The following FAM204A variants were observed in gnomAD, a reference collection of about 807,000 sequenced individuals.
FAM204A encodes protein FAM204A.
FAM204A carries 16 observed loss-of-function variants against 35.4 expected under a neutral mutation model. That is an observed-to-expected ratio of 0.45 (90% CI 0.31 to 0.69). The LOEUF (loss-of-function observed/expected upper bound fraction) is 0.69, where lower values mean the gene tolerates loss of function less well. Ranked by LOEUF, FAM204A falls within the 30% of genes least tolerant of loss-of-function variation. The probability of loss-of-function intolerance (pLI) is 0.07; values close to 1 mark genes in which losing one functional copy is unlikely to be tolerated. For synonymous variants in FAM204A, 76 were observed against 86.9 expected (o/e 0.88, Z 0.70); for missense variants, 240 against 265.7 (o/e 0.90, Z 0.67).
At chr10:118,311,508 C>T (rs533366994) in intron 7 of FAM204A, 195 bp from the exon 8 acceptor site, 1 of 511,498 alleles carries the variant, frequency 2.0e-6, no homozygotes, top group South Asian at 3.0e-5. Flanking sequence ...CCAATAGACC[C>T]TTTACCCTAG....
chr10:118,338,417 T>C (rs763493925), intron 2 of FAM204A, among the ~76,000 whole-genome samples: 10 of 152,240 alleles, frequency 6.6e-5, no homozygotes, highest in African/African-American at 9.6e-5. Context: ...CACCGCCATA[T>C]AATATACCTT....
intron 6 of FAM204A, 63 bp downstream of exon 6, chr10:118,335,051 A>T: frequency 8.4e-7 from 1 of 1,185,174 alleles, no homozygotes; most frequent in Non-Finnish European, 1.2e-6. Flanking sequence ...CAAGTACTTT[A>T]GGCGAGGCTA....
rs1845804215 is a variant in FAM204A, at chr10:118,301,135, G to A, written c.*9722C>T. Reference sequence around the variant, plus strand: ...TATTTAACCTCCTTGGCTCAACTGGGAACTCTTTGAAGGCTAGGGCCATCA... The same window carrying A: ...TATTTAACCTCCTTGGCTCAACTGGAAACTCTTTGAAGGCTAGGGCCATCA... On this transcript the variant is annotated 3_prime_UTR_variant, in exon 9 of 9. Transcript: ENST00000369183. 2 of 152,146 alleles carry A rather than the reference G, an allele frequency of 1.3e-5. No homozygotes were observed. The highest frequency in any genetic ancestry group is 2.4e-5 in the African/African-American group (1 of 41,420). 9.4% of individuals were successfully genotyped at this position (152,146 alleles called of 1,614,324 possible).
chr10:118,327,705 C>G (rs1227149619), intron 6 of FAM204A, among the ~76,000 whole-genome samples: 6 of 152,200 alleles, frequency 3.9e-5, no homozygotes, highest in African/African-American at 1.4e-4. Flanking sequence ...TGTACCAGGT[C>G]TGGTCTGTAC....
At chr10:118,322,214 T>C (rs1846128802) in intron 7 of FAM204A, 1 of 377,652 alleles carries the variant, frequency 2.6e-6, no homozygotes. Flanking sequence ...ATTTACACAG[T>C]CTCAGATTAT....
rs2119755056 is a variant in FAM204A, at chr10:118,299,580, G to C, written c.*11277C>G. ...TTATTTTTTGTAGTGATGAAGTCCT[G>C]CTGTTGCTCAGGCTAGTCTTGAACT... On this transcript the variant is annotated 3_prime_UTR_variant, in exon 9 of 9. Transcript: ENST00000369183. 6.6e-6 allele frequency: 1 copy of C among 151,882 alleles called. No individual in the cohort carries two copies. The highest frequency in any genetic ancestry group is 1.9e-4 in the East Asian group (1 of 5,148). 9.4% of individuals were successfully genotyped at this position (151,882 alleles called of 1,614,324 possible).
At chr10:118,318,770 G>A (rs765260102) in intron 7 of FAM204A, among the ~76,000 whole-genome samples, 1 of 151,804 alleles carries the variant, frequency 6.6e-6, no homozygotes, top group East Asian at 1.9e-4. Flanking sequence ...GTTTTTTTCA[G>A]TTATTTTTTT....
At chr10:118,323,919 T>C (rs1243796745) in intron 7 of FAM204A, among the ~76,000 whole-genome samples, 2 of 152,094 alleles carry the variant, frequency 1.3e-5, no homozygotes, top group Non-Finnish European at 2.9e-5. Flanking sequence ...ACAAAAGATA[T>C]TACGTTTGTT....
At chr10:118,320,578 C>T (rs1846098787) in intron 7 of FAM204A, among the ~76,000 whole-genome samples, 1 of 151,810 alleles carries the variant, frequency 6.6e-6, no homozygotes, top group African/African-American at 2.4e-5. Flanking sequence ...ACACATATTT[C>T]AAATTAGAAC....
intron 2 of FAM204A, 149 bp from the exon 3 acceptor site, chr10:118,336,572 G>A (rs1300961365): frequency 1.2e-5 from 7 of 601,358 alleles, no homozygotes; most frequent in African/African-American, 9.5e-5. Context: ...AAATGGCATA[G>A]AATGAACCTG....
At chr10:118,322,415 C>A in intron 7 of FAM204A, 1 of 455,216 alleles carries the variant, frequency 2.2e-6, no homozygotes. Context: ...GATTTTCCTG[C>A]CAAAAATGCA....
chr10:118,328,317 C>A (rs1434943931), intron 6 of FAM204A, among the ~76,000 whole-genome samples: 2 of 152,098 alleles, frequency 1.3e-5, no homozygotes, highest in African/African-American at 4.8e-5. Flanking sequence ...AACTTGCAAC[C>A]CACAATTACC....
chr10:118,329,716 T>C (rs140974658), intron 6 of FAM204A, among the ~76,000 whole-genome samples: 2,140 of 152,276 alleles, frequency 0.014, 179 homozygotes, highest in Admixed American at 0.13. Flanking sequence ...GCAGGCTGTG[T>C]GTCACCGGCT....
chr10:118,339,055 G>A lies in FAM204A; in HGVS notation c.-8-2632C>T, dbSNP rs74164044. ...AAAAAATTAAAATAGTTTGAAAAAGGTGGAATCCACCTCTAAATCCAGGCA... is the reference window on the plus strand; with the variant it reads ...AAAAAATTAAAATAGTTTGAAAAAGATGGAATCCACCTCTAAATCCAGGCA... On this transcript the variant is annotated intron_variant, in intron 2 of 8. Coordinates refer to ENST00000369183, the MANE Select transcript of FAM204A (RefSeq NM_022063.3). Among the ~76,000 whole-genome samples the A allele has an allele frequency of 9.1e-3, 1,389 of 152,286 alleles. 20 individuals carry two copies. The highest frequency in any genetic ancestry group is 0.032 in the African/African-American group (1,333 of 41,552).
At position 118,329,961 on chromosome 10, in the gene FAM204A, G is replaced by A. The variant is rs532210488; in HGVS notation, c.454-3718C>T. Among the ~76,000 whole-genome samples the A allele has an allele frequency of 1.1e-4, 16 of 152,188 alleles. 1 individual carries two copies. Among genetic ancestry groups the A allele is most frequent in the African/African-American group, 3.9e-4 (16 of 41,520 alleles). On this transcript the variant is annotated intron_variant, in intron 6 of 8. Transcript: ENST00000369183. ...ATGGTTAAAAAAAGGTACACGTATT[G>A]TACTCATTTATATATACATCTATCC...
chr10:118,337,915 T>C (rs1846413762), intron 2 of FAM204A, among the ~76,000 whole-genome samples: 1 of 152,166 alleles, frequency 6.6e-6, no homozygotes, highest in Non-Finnish European at 1.5e-5. Flanking sequence ...ATAAGATAGT[T>C]TTGAAGTTTC....
In FAM204A at chr10:118,303,227, G is replaced by A. The variant is rs968008908; in HGVS notation, c.*7630C>T. On this transcript the variant is annotated 3_prime_UTR_variant, in exon 9 of 9. Transcript: ENST00000369183. ...AAGAGCACTGTATGGGAAGAGTAATGAAAGAAGAATTTCAGATTTTCAATC... is the reference window on the plus strand; with the variant it reads ...AAGAGCACTGTATGGGAAGAGTAATAAAAGAAGAATTTCAGATTTTCAATC... 1.3e-5 allele frequency: 2 copies of A among 152,210 alleles called. No individual in the cohort carries two copies. Among genetic ancestry groups the A allele is most frequent in the African/African-American group, 4.8e-5 (2 of 41,444 alleles). 9.4% of individuals were successfully genotyped at this position (152,210 alleles called of 1,614,324 possible).
intron 2 of FAM204A, among the ~76,000 whole-genome samples, chr10:118,339,010 C>A (rs1846430551): frequency 6.6e-6 from 1 of 152,112 alleles, no homozygotes; most frequent in South Asian, 2.1e-4. Flanking sequence ...ATGATAATTT[C>A]TTGAGTGTAC....
chr10:118,316,824 G>A (rs529613238), intron 7 of FAM204A, among the ~76,000 whole-genome samples: 1 of 152,102 alleles, frequency 6.6e-6, no homozygotes, highest in African/African-American at 2.4e-5. Context: ...TTTTAATGAT[G>A]ACTATTAAGG....
Sources: allele counts gnomAD v4.1 joint callset (sites outside exome capture counted in the v4.1 genomes callset), GRCh38; gene constraint gnomAD v4.1.1; transcripts MANE v1.5; gene names NCBI Gene and HGNC (gene_info 2026-07-23, HGNC 2026-07-21).